Variants in CDC42SE2 observed in about 807,000 individuals in gnomAD.
CDC42SE2 encodes the protein CDC42 small effector protein 2.
A neutral mutation model predicts 11.5 loss-of-function variants in CDC42SE2; 3 were observed. That is an observed-to-expected ratio of 0.26 (90% CI 0.12 to 0.67). CDC42SE2 has a LOEUF of 0.67. Among genes scored for constraint, CDC42SE2 ranks in the 30% least tolerant of loss-of-function variants. The probability of loss-of-function intolerance (pLI) is 0.80; values close to 1 mark genes in which losing one functional copy is unlikely to be tolerated. For synonymous variants in CDC42SE2, 33 were observed against 34.8 expected (o/e 0.95, Z 0.18); for missense variants, 82 against 106.8 (o/e 0.77, Z 1.02).
At chr5:131,385,953 C>G (rs188168878) in intron 4 of CDC42SE2, among the ~76,000 whole-genome samples, 7 of 152,302 alleles carry the variant, frequency 4.6e-5, no homozygotes, top group African/African-American at 1.7e-4. Flanking sequence ...CCTATTGATT[C>G]TCTTGCTCCC....
At position 131,391,099 on chromosome 5, in the gene CDC42SE2, C is replaced by A; in HGVS notation, c.*8C>A. 1 of 1,607,906 alleles carries A rather than the reference C, an allele frequency of 6.2e-7. No homozygotes were observed. Among genetic ancestry groups the A allele is most frequent in the South Asian group, 1.1e-5 (1 of 90,964 alleles). ...GATACGAAGGCGGGATAGCCCTGGT[C>A]CTTTCTCCAGTGAGTACTCAGAGCT... On this transcript the variant is annotated 3_prime_UTR_variant, in exon 5 of 5. Coordinates refer to ENST00000505065, the MANE Select transcript of CDC42SE2 (RefSeq NM_001375635.1).
chr5:131,344,899 A>T (rs531442197), intron 2 of CDC42SE2, among the ~76,000 whole-genome samples: 1 of 152,170 alleles, frequency 6.6e-6, no homozygotes, highest in Non-Finnish European at 1.5e-5. Context: ...TCTGGAGTGG[A>T]CCTCCAGCAA....
chr5:131,308,119 G>C (rs1239120250), intron 1 of CDC42SE2, among the ~76,000 whole-genome samples: 1 of 152,110 alleles, frequency 6.6e-6, no homozygotes, highest in Admixed American at 6.6e-5. Context: ...ATTGATTTTT[G>C]TATAAGGTGT....
At chr5:131,220,644 A>G in the CDC42SE2 span, among the ~76,000 whole-genome samples, 4 of 152,294 alleles carry the variant, frequency 2.6e-5, no homozygotes, top group South Asian at 2.1e-4. Context: ...AAGATAGTAC[A>G]TTGTTTGCGA....
intron 2 of CDC42SE2, among the ~76,000 whole-genome samples, chr5:131,334,841 T>G (rs1758514998): frequency 6.6e-6 from 1 of 152,214 alleles, no homozygotes; most frequent in Non-Finnish European, 1.5e-5. Flanking sequence ...TTGGGTCTAT[T>G]TGATTCTTCT....
intron 3 of CDC42SE2, among the ~76,000 whole-genome samples, chr5:131,360,757 C>T (rs798414): frequency 0.43 from 65,297 of 152,010 alleles, 17,976 homozygotes; most frequent in African/African-American, 0.78. Flanking sequence ...AAAATAAGGA[C>T]TAAATTTTAA....
intron 1 of CDC42SE2, among the ~76,000 whole-genome samples, chr5:131,305,832 A>C (rs1383338978): frequency 6.6e-6 from 1 of 152,176 alleles, no homozygotes; most frequent in Non-Finnish European, 1.5e-5. Context: ...AATTGCTCAG[A>C]CCAATGTCAT....
At chr5:131,342,388 C>CTTTTTTT (rs35818778) in intron 2 of CDC42SE2, among the ~76,000 whole-genome samples, 2,493 of 111,184 alleles carry the variant, frequency 0.022, 361 homozygotes, top group African/African-American at 0.11. Context: ...TTTTAATAGT[C>CTTTTTTT]TTTTTTTTTT....
At chr5:131,231,577 C>T in the CDC42SE2 span, among the ~76,000 whole-genome samples, 11 of 151,938 alleles carry the variant, frequency 7.2e-5, no homozygotes, top group South Asian at 4.2e-4. Flanking sequence ...GGTGTTTGGC[C>T]GGCTGGTTAA....
intron 3 of CDC42SE2, among the ~76,000 whole-genome samples, chr5:131,369,551 A>T (rs1377314329): frequency 2.6e-5 from 4 of 152,214 alleles, no homozygotes; most frequent in Non-Finnish European, 5.9e-5. Flanking sequence ...TGAGTGTTCC[A>T]TTGTGCCATA....
chr5:131,246,991 G>T (rs1050551321), intron 1 of CDC42SE2, among the ~76,000 whole-genome samples: 3 of 152,002 alleles, frequency 2.0e-5, no homozygotes, highest in Non-Finnish European at 4.4e-5. Context: ...TGGTCTGCCT[G>T]CCTCAGTCCC....
intron 1 of CDC42SE2, 150 bp downstream of exon 1, chr5:131,264,316 G>A (rs1363257094): frequency 6.6e-6 from 1 of 152,402 alleles, no homozygotes; most frequent in Non-Finnish European, 1.5e-5. Context: ...TGCGGGCTGT[G>A]GGCTGAGCCT....
intron 1 of CDC42SE2, among the ~76,000 whole-genome samples, chr5:131,280,958 T>C (rs975299341): frequency 2.0e-5 from 3 of 152,222 alleles, no homozygotes; most frequent in Admixed American, 2.0e-4. Context: ...TTTTGTTTTA[T>C]GAATGTGAAA....
rs1413604165 is a variant in CDC42SE2, at chr5:131,392,547, T to TAAAAG, written c.*1462_*1466dup. ...TTTGATTGATTGATTAGAATTGCAA[T>TAAAAG]AAAAGAAAAGCTTGCATTCATAAGG... is the stretch of plus-strand genomic sequence containing the variant. On this transcript the variant is annotated 3_prime_UTR_variant, in exon 5 of 5. Coordinates refer to ENST00000505065, the MANE Select transcript of CDC42SE2 (RefSeq NM_001375635.1). The TAAAAG allele has an allele frequency of 1.3e-5, 2 of 152,292 alleles. No homozygotes were observed. The highest frequency in any genetic ancestry group is 2.4e-5 in the African/African-American group (1 of 41,454). 9.4% of individuals were successfully genotyped at this position (152,292 alleles called of 1,614,324 possible).
At chr5:131,263,689 T>TC (rs1169042658), upstream of CDC42SE2, 1 of 112,318 alleles carries the variant, frequency 8.9e-6, no homozygotes, top group Non-Finnish European at 1.7e-5. Flanking sequence ...ACGTCGCTCC[T>TC]CCGCACGGAT....
intron 2 of CDC42SE2, among the ~76,000 whole-genome samples, chr5:131,343,150 C>T (rs1198075950): frequency 6.6e-6 from 1 of 150,916 alleles, no homozygotes; most frequent in Non-Finnish European, 1.5e-5. Flanking sequence ...ATGGTCCCAC[C>T]CACCGAGAAG....
At chr5:131,231,797 T>TTTCTTTG in the CDC42SE2 span, among the ~76,000 whole-genome samples, 1 of 152,202 alleles carries the variant, frequency 6.6e-6, no homozygotes, top group Non-Finnish European at 1.5e-5. Context: ...TTTTTTCTTT[T>TTTCTTTG]TTCTTTTTTT....
intron 3 of CDC42SE2, among the ~76,000 whole-genome samples, chr5:131,370,311 A>G (rs1395041861): frequency 6.6e-6 from 1 of 152,196 alleles, no homozygotes; most frequent in Non-Finnish European, 1.5e-5. Context: ...TGGTTAAATA[A>G]TTTTTAAAAT....
intron 3 of CDC42SE2, among the ~76,000 whole-genome samples, chr5:131,376,770 CT>C (rs1011747281): frequency 1.3e-5 from 2 of 152,134 alleles, no homozygotes; most frequent in Non-Finnish European, 2.9e-5. Context: ...TGTTAGTCTG[CT>C]TAGGATGATG....
Sources: gnomAD v4.1 joint callset for allele counts (sites outside exome capture counted in the v4.1 genomes callset) on GRCh38, gnomAD v4.1.1 for gene constraint, MANE v1.5 for transcripts, NCBI Gene and HGNC (gene_info 2026-07-23, HGNC 2026-07-21) for gene names.